Variants in SGCD observed in about 807,000 individuals in gnomAD.
SGCD encodes sarcoglycan delta.
In SGCD, 18 loss-of-function variants were observed where a neutral mutation model predicts 36.6. The ratio of observed to expected loss-of-function variants is 0.49; its 90% confidence interval spans 0.34 to 0.73. SGCD has a LOEUF of 0.73. Ranked by LOEUF, SGCD falls within the 30% of genes least tolerant of loss-of-function variation. The pLI is 0.01. For missense variants in SGCD, 387 were observed against 346.7 expected (o/e 1.12, Z -0.92); for synonymous variants, 133 against 130.6 (o/e 1.02, Z -0.12).
intron 1 of SGCD, among the ~76,000 whole-genome samples, chr5:155,886,741 C>T (rs1756011910): frequency 6.6e-6 from 1 of 152,210 alleles, no homozygotes; most frequent in African/African-American, 2.4e-5. Flanking sequence ...ATCAGTCAAG[C>T]TTCTGGGACT....
At chr5:155,733,280 C>T in the SGCD span, among the ~76,000 whole-genome samples, 95 of 152,202 alleles carry the variant, frequency 6.2e-4, 2 homozygotes, top group South Asian at 3.7e-3. Flanking sequence ...CCTCATTCTG[C>T]AAGTAAAAAG....
At chr5:156,649,047 G>A (rs143955300) in intron 7 of SGCD, among the ~76,000 whole-genome samples, 100 of 152,240 alleles carry the variant, frequency 6.6e-4, no homozygotes, top group Middle Eastern at 3.4e-3. Flanking sequence ...ACAAATGGGC[G>A]AAGGATATGA....
chr5:156,585,798 CA>C (rs1248934692), intron 4 of SGCD, among the ~76,000 whole-genome samples: 14 of 152,220 alleles, frequency 9.2e-5, no homozygotes, highest in South Asian at 4.2e-4. Context: ...GGGGCCTTTC[CA>C]AGGTCTCTTT....
chr5:156,041,312 G>T (rs761803251), intron 1 of SGCD, among the ~76,000 whole-genome samples: 1 of 152,104 alleles, frequency 6.6e-6, no homozygotes, highest in Non-Finnish European at 1.5e-5. Context: ...CTTGTACTTC[G>T]GTCCAGTTCC....
intron 3 of SGCD, among the ~76,000 whole-genome samples, chr5:156,395,764 T>C (rs1470462246): frequency 6.6e-6 from 1 of 152,164 alleles, no homozygotes. Flanking sequence ...TTCAGACACA[T>C]ATATATCTGT....
intron 3 of SGCD, among the ~76,000 whole-genome samples, chr5:156,211,420 A>C (rs1041566038): frequency 1.3e-5 from 2 of 152,124 alleles, no homozygotes; most frequent in Non-Finnish European, 2.9e-5. Flanking sequence ...ATCCTGGCTA[A>C]CACAGTGAAA....
At chr5:156,088,936 T>A (rs1397167176) in intron 1 of SGCD, among the ~76,000 whole-genome samples, 1 of 152,158 alleles carries the variant, frequency 6.6e-6, no homozygotes, top group Non-Finnish European at 1.5e-5. Flanking sequence ...GACTGATGAA[T>A]GAGAGGTCAG....
intron 3 of SGCD, among the ~76,000 whole-genome samples, chr5:156,415,235 C>T (rs1275218277): frequency 6.6e-6 from 1 of 152,140 alleles, no homozygotes; most frequent in Non-Finnish European, 1.5e-5. Flanking sequence ...AGACCAGCCA[C>T]AGTTTTAAGG....
chr5:155,830,921 T>C, the SGCD span, among the ~76,000 whole-genome samples: 2 of 152,194 alleles, frequency 1.3e-5, no homozygotes, highest in Non-Finnish European at 2.9e-5. Context: ...AGCAAACAAT[T>C]ATTGTTTATT....
chr5:155,907,157 C>A (rs1333603479), intron 1 of SGCD, among the ~76,000 whole-genome samples: 1 of 152,024 alleles, frequency 6.6e-6, no homozygotes, highest in East Asian at 1.9e-4. Context: ...TACAGTTTAT[C>A]TGTTTACAGC....
At chr5:156,636,908 T>C (rs1365495489) in intron 6 of SGCD, among the ~76,000 whole-genome samples, 1 of 152,198 alleles carries the variant, frequency 6.6e-6, no homozygotes, top group Non-Finnish European at 1.5e-5. Flanking sequence ...TTTAGGCAGA[T>C]TGAGCAACAA....
intron 3 of SGCD, among the ~76,000 whole-genome samples, chr5:156,257,571 G>A (rs1367049038): frequency 6.6e-6 from 1 of 151,600 alleles, no homozygotes; most frequent in East Asian, 2.0e-4. Context: ...TTTCAATTAA[G>A]AATGTCCTTG....
intron 3 of SGCD, among the ~76,000 whole-genome samples, chr5:156,397,727 C>T (rs551381509): frequency 6.0e-4 from 92 of 152,166 alleles, no homozygotes; most frequent in Non-Finnish European, 6.9e-4. Flanking sequence ...TAACCAGCCA[C>T]GCGGAGCCCT....
the SGCD span, among the ~76,000 whole-genome samples, chr5:155,746,608 G>A: frequency 6.6e-6 from 1 of 152,040 alleles, no homozygotes. Flanking sequence ...TTAAGTCTCT[G>A]CTTTTGTCTA....
chr5:155,932,107 CAT>C (rs1160425983), intron 1 of SGCD, among the ~76,000 whole-genome samples: 4 of 152,166 alleles, frequency 2.6e-5, no homozygotes, highest in Non-Finnish European at 5.9e-5. Flanking sequence ...AAGATTTCAA[CAT>C]ATGAATTTTG....
chr5:155,873,598 C>G (rs934663895), intron 1 of SGCD, among the ~76,000 whole-genome samples: 1 of 152,162 alleles, frequency 6.6e-6, no homozygotes, highest in Non-Finnish European at 1.5e-5. Flanking sequence ...CAGGTGATGG[C>G]TGCACTCAAA....
At position 156,242,199 on chromosome 5, in the gene SGCD, T is replaced by C. The variant is rs913981586; in HGVS notation, c.-43-87335T>C. On this transcript the variant is annotated intron_variant, in intron 3 of 9. Transcript: ENST00000517913. The stretch of plus-strand genomic sequence containing the variant: ...TAAAAATAAATGGACTATTGCTAAG[T>C]TCAAAATCTTAGGTGGATATCCAGG... Among the ~76,000 whole-genome samples, 5 of 152,318 alleles carry C rather than the reference T, an allele frequency of 3.3e-5. No homozygotes were observed. The Middle Eastern group carries it at 0.01, about 311-fold the overall frequency.
At chr5:156,370,682 G>T (rs537333271) in intron 3 of SGCD, among the ~76,000 whole-genome samples, 2 of 152,164 alleles carry the variant, frequency 1.3e-5, no homozygotes, top group African/African-American at 4.8e-5. Context: ...AAATTTACAA[G>T]ACTGAAACAT....
At chr5:156,538,565 T>C (rs1758216786) in intron 4 of SGCD, among the ~76,000 whole-genome samples, 1 of 152,084 alleles carries the variant, frequency 6.6e-6, no homozygotes, top group Admixed American at 6.6e-5. Context: ...TTAATTTTTT[T>C]GGACTTAATG....
Sources: allele counts gnomAD v4.1 joint callset (sites outside exome capture counted in the v4.1 genomes callset), GRCh38; gene constraint gnomAD v4.1.1; transcripts MANE v1.5; gene names NCBI Gene and HGNC (gene_info 2026-07-23, HGNC 2026-07-21).